Variants in AKR1E2 observed in about 807,000 individuals in gnomAD.
The protein encoded by AKR1E2 is 1,5-anhydro-D-fructose reductase.
Under a neutral mutation model 41.9 loss-of-function variants are expected in AKR1E2, and 43 were observed. The observed-to-expected ratio is 1.03, with a 90% CI of 0.80 to 1.32. The LOEUF (loss-of-function observed/expected upper bound fraction) is 1.32. Among genes scored for constraint, AKR1E2 ranks in the 40% most tolerant of loss-of-function variants. The pLI is 0.00. For synonymous variants in AKR1E2, 121 were observed against 138.9 expected, an observed-to-expected ratio of 0.87 and a Z score of 0.91; for missense variants, 423 against 396.5, an observed-to-expected ratio of 1.07 and a Z score of -0.57.
chr10:4,831,655 T>C (rs1282081784), intron 2 of AKR1E2, among the ~76,000 whole-genome samples: 1 of 152,110 alleles, frequency 6.6e-6, no homozygotes, highest in Admixed American at 6.5e-5. Context: ...CAAGATGAGA[T>C]TTGGCTGTGG....
chr10:4,853,387 A>G, the AKR1E2 span, among the ~76,000 whole-genome samples: 4 of 151,982 alleles, frequency 2.6e-5, no homozygotes, highest in African/African-American at 9.7e-5. Flanking sequence ...ATTAGACTGG[A>G]CACACAGTAG....
chr10:4,842,608 A>G lies in AKR1E2; in HGVS notation c.837+104A>G, dbSNP rs2961592. The G allele has an allele frequency of 0.26, 256,109 of 993,142 alleles. 34,932 individuals carry two copies. Among genetic ancestry groups the G allele is most frequent in the Middle Eastern group, 0.42 (1,984 of 4,692 alleles). The allele number at this position is 993,142 out of a possible 1,614,324, so 61.5% of individuals were successfully genotyped here. ...CCTCAGGGTTGCGGAGCTTGATGCAACAGGGGCTTCTCCCTCTGCACTGTG... is the reference window on the plus strand; with the variant it reads ...CCTCAGGGTTGCGGAGCTTGATGCAGCAGGGGCTTCTCCCTCTGCACTGTG... On this transcript the variant is annotated intron_variant, in intron 8 of 9. Transcript: ENST00000298375.
chr10:4,861,635 C>A, the AKR1E2 span, among the ~76,000 whole-genome samples: 1 of 152,044 alleles, frequency 6.6e-6, no homozygotes, highest in South Asian at 2.1e-4. Flanking sequence ...TCCCAAAGTG[C>A]TAGGATTACA....
Position 4,833,405 on chromosome 10 carries a change from T to C in AKR1E2, c.263T>C (p.Leu88Pro). 2 of 1,614,186 alleles carry C rather than the reference T, an allele frequency of 1.2e-6. No individual in the cohort carries two copies. Among genetic ancestry groups the C allele is most frequent in the Non-Finnish European group, 1.7e-6 (2 of 1,180,032 alleles). The stretch of plus-strand genomic sequence containing the variant: ...GTGGAAACAGCATGCAGAAAGAGTC[T>C]CAAGGCCTTGAAGCTGAACTATTTG... ...SLVETACRKS[L>P]KALKLNYLDL... Residue 88 changes from leucine (L) to proline (P), a missense_variant, in exon 3 of 10, where the codon CTC becomes CCC. By Grantham distance (98) the Leu-to-Pro change is moderately conservative (BLOSUM62 -3). Transcript: ENST00000298375.
intron 8 of AKR1E2, 140 bp from the exon 9 acceptor site, chr10:4,847,007 GA>G: frequency 1.2e-6 from 1 of 859,602 alleles, no homozygotes; most frequent in South Asian, 1.9e-5. Context: ...GTGATTCAGG[GA>G]AGTTCCAAGT....
At chr10:4,835,198 G>A (rs745322110) in intron 3 of AKR1E2, among the ~76,000 whole-genome samples, 52 of 152,198 alleles carry the variant, frequency 3.4e-4, no homozygotes, top group Middle Eastern at 3.2e-3. Context: ...CTTTCAAGAT[G>A]TATCTCTCTG....
chr10:4,869,642 C>G, the AKR1E2 span, among the ~76,000 whole-genome samples: 1 of 151,698 alleles, frequency 6.6e-6, no homozygotes, highest in Non-Finnish European at 1.5e-5. Flanking sequence ...CCCCTTTTTT[C>G]TATAAACCCT....
At chr10:4,841,362 T>G (rs1224254431) in intron 6 of AKR1E2, among the ~76,000 whole-genome samples, 1 of 152,204 alleles carries the variant, frequency 6.6e-6, no homozygotes, top group Admixed American at 6.5e-5. Context: ...TATTCACTTT[T>G]TAGTAGTATT....
intron 2 of AKR1E2, among the ~76,000 whole-genome samples, chr10:4,832,209 A>G (rs936864853): frequency 6.6e-6 from 1 of 152,244 alleles, no homozygotes; most frequent in African/African-American, 2.4e-5. Flanking sequence ...TCAGGCTCAC[A>G]GCTTCATTAT....
At chr10:4,864,468 A>T in the AKR1E2 span, among the ~76,000 whole-genome samples, 1 of 152,100 alleles carries the variant, frequency 6.6e-6, no homozygotes, top group Non-Finnish European at 1.5e-5. Flanking sequence ...TCTCAAAATA[A>T]TAAGAGCTAT....
rs1188562769 is a variant in AKR1E2 at position 4,837,387 on chromosome 10, A to T, written c.460-72A>T. On this transcript the variant is annotated intron_variant, in intron 4 of 9. Coordinates refer to ENST00000298375, the MANE Select transcript of AKR1E2 (RefSeq NM_001040177.3). ...CAACCAGTTTTAGAATACCATACAG[A>T]ACTGCTGAGGGACGTAGATTGTCAG... 3 of 1,576,976 alleles carry T rather than the reference A, an allele frequency of 1.9e-6. No homozygotes were observed. In the Admixed American group the frequency reaches 5.1e-5, roughly 27 times the overall value.
At chr10:4,862,739 C>G in the AKR1E2 span, among the ~76,000 whole-genome samples, 2 of 151,918 alleles carry the variant, frequency 1.3e-5, no homozygotes, top group Non-Finnish European at 2.9e-5. Context: ...GTTAGACACA[C>G]ATAGGCTCAA....
chr10:4,832,570 T>G (rs1045176887), intron 2 of AKR1E2, among the ~76,000 whole-genome samples: 1 of 152,196 alleles, frequency 6.6e-6, no homozygotes, highest in African/African-American at 2.4e-5. Context: ...GGAAAAGTCA[T>G]AGAAATGTAA....
the AKR1E2 span, among the ~76,000 whole-genome samples, chr10:4,860,346 A>T: frequency 9.2e-5 from 14 of 152,218 alleles, no homozygotes; most frequent in African/African-American, 2.9e-4. Flanking sequence ...TCTTCTGACA[A>T]ATAGCCCATC....
At chr10:4,871,028 C>G in the AKR1E2 span, among the ~76,000 whole-genome samples, 1 of 152,034 alleles carries the variant, frequency 6.6e-6, no homozygotes. Context: ...ATTGCTTTAT[C>G]TTCCAGATCA....
intron 7 of AKR1E2, 36 bp downstream of exon 7, chr10:4,841,893 T>C: frequency 6.3e-7 from 1 of 1,595,508 alleles, no homozygotes; most frequent in South Asian, 1.1e-5. Flanking sequence ...CAGGTGGGGT[T>C]CTCTGACCGC....
intron 5 of AKR1E2, 111 bp downstream of exon 5, chr10:4,837,692 T>G: frequency 6.8e-7 from 1 of 1,470,428 alleles, no homozygotes; most frequent in South Asian, 1.3e-5. Context: ...AAAACAGGCC[T>G]GTTCTCCTCT....
the AKR1E2 span, among the ~76,000 whole-genome samples, chr10:4,867,095 A>G: frequency 0.79 from 119,758 of 152,122 alleles, 48,090 homozygotes; most frequent in East Asian, 0.98. Flanking sequence ...GGCTGTTACC[A>G]TCTTTGTTTA....
chr10:4,872,855 C>T, the AKR1E2 span, among the ~76,000 whole-genome samples: 11 of 152,176 alleles, frequency 7.2e-5, no homozygotes, highest in Non-Finnish European at 1.2e-4. Context: ...TCTTCTAGGA[C>T]GAGTTGCATT....
Sources: allele counts gnomAD v4.1 joint callset (sites outside exome capture counted in the v4.1 genomes callset), GRCh38; gene constraint gnomAD v4.1.1; transcripts MANE v1.5; gene names NCBI Gene and HGNC (gene_info 2026-07-23, HGNC 2026-07-21).